CCDC122: variants seen among roughly 807,000 people sequenced by gnomAD.
The protein encoded by CCDC122 is coiled-coil domain-containing protein 122.
CCDC122 carries 38 observed loss-of-function variants against 37.0 expected under a neutral mutation model. The observed-to-expected ratio is 1.03, with a 90% CI of 0.79 to 1.35. The LOEUF (loss-of-function observed/expected upper bound fraction) is 1.35. Ranked by LOEUF, CCDC122 falls within the 40% of genes most tolerant of loss-of-function variation. CCDC122 has a pLI of 0.00. For missense variants in CCDC122, 305 were observed against 310.0 expected (o/e 0.98, Z 0.12); for synonymous variants, 83 against 95.6 (o/e 0.87, Z 0.77).
Position 43,837,138 on chromosome 13 carries a change from A to C in CCDC122, c.*142T>G, listed in dbSNP as rs1953190347. The C allele has an allele frequency of 1.3e-6, 1 of 792,572 alleles. No individual in the cohort carries two copies. The highest frequency in any genetic ancestry group is 2.6e-5 in the East Asian group (1 of 38,056). The allele number at this position is 792,572 out of a possible 1,614,324, so 49.1% of individuals were successfully genotyped here. A position where few individuals can be genotyped will look rare whatever the true frequency, so the allele number is the denominator to read the frequency against. ...AACAAATCGATGACTGATTTAAAAA[A>C]AACAACAACCGAAGACATCTGTCAT... On this transcript the variant is annotated 3_prime_UTR_variant, in exon 7 of 7. Coordinates refer to ENST00000444614, the MANE Select transcript of CCDC122 (RefSeq NM_144974.5).
chr13:43,843,304 T>A (rs959457147), intron 6 of CCDC122, among the ~76,000 whole-genome samples: 1 of 152,044 alleles, frequency 6.6e-6, no homozygotes, highest in African/African-American at 2.4e-5. Flanking sequence ...TCTGAAACTA[T>A]GAAGTTGGTT....
chr13:43,874,652 C>T (rs1201130031), intron 2 of CCDC122, 190 bp downstream of exon 2: 1 of 152,104 alleles, frequency 6.6e-6, no homozygotes, highest in African/African-American at 2.4e-5. Context: ...TTTCCCCAGA[C>T]TTCTGTTGTG....
At chr13:43,835,125 C>G (rs1468931063), downstream of CCDC122, among the ~76,000 whole-genome samples, 4 of 152,006 alleles carry the variant, frequency 2.6e-5, no homozygotes, top group Admixed American at 1.3e-4. Flanking sequence ...GAATACTATG[C>G]AGCCATAAAA....
rs142655353 is a variant in CCDC122, at chr13:43,870,965, T to C, written c.-113-1476A>G. ...TGTACCAAGTTACCCCCTTCCCCAC[T>C]TCATATCAAAATCTGTGCAAATTCA... On this transcript the variant is annotated intron_variant, in intron 2 of 6. Transcript: ENST00000444614. Among the ~76,000 whole-genome samples the C allele has an allele frequency of 1.4e-4, 21 of 152,206 alleles. No individual in the cohort carries two copies. In the East Asian group the frequency reaches 3.9e-3, roughly 28 times the overall value.
chr13:43,852,654 A>C (rs924106343), intron 6 of CCDC122, among the ~76,000 whole-genome samples: 13 of 152,034 alleles, frequency 8.6e-5, no homozygotes. Flanking sequence ...AAGATGCTTC[A>C]CAAGAATAGC....
At chr13:43,842,815 T>A (rs1341393680) in intron 6 of CCDC122, among the ~76,000 whole-genome samples, 1 of 152,094 alleles carries the variant, frequency 6.6e-6, no homozygotes, top group African/African-American at 2.4e-5. Flanking sequence ...TCCTCATTGT[T>A]TATTGCTACT....
At chr13:43,863,271 C>T (rs1954170043) in intron 4 of CCDC122, among the ~76,000 whole-genome samples, 1 of 152,060 alleles carries the variant, frequency 6.6e-6, no homozygotes, top group South Asian at 2.1e-4. Context: ...TAAATAGAAT[C>T]ATTTAATACA....
At position 43,860,025 on chromosome 13, in the gene CCDC122, C is replaced by T; in HGVS notation, c.202G>A (p.Glu68Lys). 1.9e-6 allele frequency: 3 copies of T among 1,565,224 alleles called. No homozygotes were observed. Among genetic ancestry groups the T allele is most frequent in the Non-Finnish European group, 2.6e-6 (3 of 1,155,990 alleles). Reference sequence around the variant, plus strand: ...ATTTGTCTTTCTGTTTCTTTAGTTTCTGCAGAGATAGCTGCTATTTCTTTT... The same window carrying T: ...ATTTGTCTTTCTGTTTCTTTAGTTTTTGCAGAGATAGCTGCTATTTCTTTT... ...LEKEIAAISA[E>K]TKETERQIYQ... The change falls in exon 5 of 7, where the codon GAA (glutamate) becomes AAA (lysine). Residue 68 changes from glutamate to lysine, a missense_variant. Transcript: ENST00000444614.
intron 4 of CCDC122, among the ~76,000 whole-genome samples, chr13:43,867,247 T>C (rs1954302956): frequency 6.6e-6 from 1 of 152,120 alleles, no homozygotes; most frequent in African/African-American, 2.4e-5. Context: ...TAGAATAAAG[T>C]TGAAGTTTCT....
intron 1 of CCDC122, among the ~76,000 whole-genome samples, chr13:43,877,382 G>A (rs1006500920): frequency 6.6e-6 from 1 of 152,064 alleles, no homozygotes; most frequent in Admixed American, 6.5e-5. Context: ...TGATTCTGTG[G>A]TTTAACTGAC....
In CCDC122 at chr13:43,842,265, G is replaced by A. The variant is rs575689182; in HGVS notation, c.673-4836C>T. 1.6e-4 allele frequency among the ~76,000 whole-genome samples: 25 copies of A among 152,116 alleles called. 1 individual carries two copies. The South Asian group carries it at 5.0e-3, about 30-fold the overall frequency. On this transcript the variant is annotated intron_variant, in intron 6 of 6. Transcript: ENST00000444614. ...GATACAGGTTCATTGTTTCCTCACC[G>A]ATATCCAGTTGTTTCAGTACCATTT...
At chr13:43,821,611 A>C (rs772854908), downstream of CCDC122, among the ~76,000 whole-genome samples, 1 of 151,832 alleles carries the variant, frequency 6.6e-6, no homozygotes, top group African/African-American at 2.4e-5. Context: ...AAGGCCAATA[A>C]CTCTTAGATT....
chr13:43,878,567 A>G (rs1954738556), intron 1 of CCDC122, among the ~76,000 whole-genome samples: 1 of 152,188 alleles, frequency 6.6e-6, no homozygotes, highest in African/African-American at 2.4e-5. Context: ...CAATGAAGAT[A>G]AAAGGGACCT....
chr13:43,835,631 G>T (rs2153868863), downstream of CCDC122, among the ~76,000 whole-genome samples: 1 of 152,134 alleles, frequency 6.6e-6, no homozygotes, highest in South Asian at 2.1e-4. Context: ...CTTCATATCT[G>T]AATTTAAAAA....
intron 2 of CCDC122, 61 bp downstream of exon 2, chr13:43,874,781 T>C (rs1369976313): frequency 2.6e-5 from 4 of 152,214 alleles, no homozygotes; most frequent in Non-Finnish European, 5.9e-5. Context: ...TAAGAGAAGT[T>C]AGAACATCAT....
intron 6 of CCDC122, among the ~76,000 whole-genome samples, chr13:43,845,866 T>C (rs1478560506): frequency 1.3e-5 from 2 of 152,218 alleles, no homozygotes; most frequent in African/African-American, 4.8e-5. Flanking sequence ...TTTATGTGAT[T>C]AAAATCCTCT....
rs573091728 is a variant in CCDC122, at chr13:43,871,251, A to G, written c.-113-1762T>C. On this transcript the variant is annotated intron_variant, in intron 2 of 6. Coordinates refer to ENST00000444614, the MANE Select transcript of CCDC122 (RefSeq NM_144974.5). The stretch of plus-strand genomic sequence containing the variant: ...ATCTATATTTCTTCTTCGAGAAACT[A>G]TTCTGGTAAAGTGCATTTATAGAGC... Among the ~76,000 whole-genome samples the G allele has an allele frequency of 1.0e-3, 153 of 152,186 alleles. No homozygotes were observed. The South Asian group carries it at 0.012, about 12-fold the overall frequency.
chr13:43,841,108 A>T (rs1053108364), intron 6 of CCDC122, among the ~76,000 whole-genome samples: 5 of 152,302 alleles, frequency 3.3e-5, no homozygotes, highest in Non-Finnish European at 5.9e-5. Context: ...CACCCATCAC[A>T]ATTTATTTTT....
chr13:43,843,291 G>A (rs1035082097), intron 6 of CCDC122, among the ~76,000 whole-genome samples: 2 of 151,918 alleles, frequency 1.3e-5, no homozygotes, highest in Non-Finnish European at 2.9e-5. Flanking sequence ...GTCTAATGCT[G>A]TTTCTGAAAC....
Sources: gnomAD v4.1 joint callset for allele counts (sites outside exome capture counted in the v4.1 genomes callset) on GRCh38, gnomAD v4.1.1 for gene constraint, MANE v1.5 for transcripts, NCBI Gene and HGNC (gene_info 2026-07-23, HGNC 2026-07-21) for gene names.